Variants in ATAD5 observed in about 807,000 individuals in gnomAD.
ATAD5 encodes the protein ATPase family AAA domain containing 5, also known as ATPase family AAA domain-containing protein 5.
A neutral mutation model predicts 176.9 loss-of-function variants in ATAD5; 58 were observed. The observed-to-expected ratio is 0.33, with a 90% CI of 0.27 to 0.41. The LOEUF is 0.41. Among genes scored for constraint, ATAD5 ranks in the 10% least tolerant of loss-of-function variants. The pLI is 1.00. For synonymous variants in ATAD5, 640 were observed against 712.6 expected (o/e 0.90, Z 1.62); for missense variants, 1,789 against 2,094.1 (o/e 0.85, Z 2.84).
intron 14 of ATAD5, among the ~76,000 whole-genome samples, chr17:30,871,598 C>T (rs1299925662): frequency 6.6e-6 from 1 of 152,092 alleles, no homozygotes; most frequent in African/African-American, 2.4e-5. Flanking sequence ...GATCCACCCC[C>T]CATGGCCTCC....
chr17:30,889,819 T>C (rs1464888416), intron 19 of ATAD5, among the ~76,000 whole-genome samples: 2 of 151,300 alleles, frequency 1.3e-5, no homozygotes, highest in Non-Finnish European at 2.9e-5. Context: ...TTTATCCTTA[T>C]CAGTTTTTTC....
rs1033897320 is a variant in ATAD5, at chr17:30,872,824, G to A, written c.3607+3178G>A. Among the ~76,000 whole-genome samples, 17 of 152,192 alleles carry A rather than the reference G, an allele frequency of 1.1e-4. No homozygotes were observed. In the East Asian group the frequency reaches 3.3e-3, roughly 29 times the overall value. On this transcript the variant is annotated intron_variant, in intron 14 of 22. Transcript: ENST00000321990. ...GCCCGCCTCGGTCTCCCAGAGTGCT[G>A]GGATTACAGGCATGAGCTACTGCAC... is the stretch of plus-strand genomic sequence containing the variant.
chr17:30,880,784 C>G (rs1231647300), intron 18 of ATAD5, among the ~76,000 whole-genome samples: 1 of 151,576 alleles, frequency 6.6e-6, no homozygotes, highest in Non-Finnish European at 1.5e-5. Flanking sequence ...GGTTTTTTGC[C>G]TAGTAAAAGT....
intron 6 of ATAD5, among the ~76,000 whole-genome samples, chr17:30,850,870 T>TATATA (rs71142003): frequency 9.8e-4 from 12 of 12,210 alleles, no homozygotes; most frequent in East Asian, 6.7e-3. Context: ...TATATATATA[T>TATATA]TTTTTTTTTT....
chr17:30,837,390 T>G, intron 3 of ATAD5, 76 bp downstream of exon 3: 1 of 963,902 alleles, frequency 1.0e-6, no homozygotes, highest in South Asian at 1.6e-5. Context: ...CCCACATTAC[T>G]ATGGGAAGTA....
chr17:30,850,853 ATATATATATATATATATTTTTTT>A (rs1906873536), intron 6 of ATAD5, among the ~76,000 whole-genome samples: 1 of 37,886 alleles, frequency 2.6e-5, no homozygotes, highest in African/African-American at 6.6e-5. Flanking sequence ...ATATATATAT[ATATATATATATATATATTTTTTT>A]TTTTTTTTTT....
At position 30,894,132 on chromosome 17, in the gene ATAD5, A is replaced by C; in HGVS notation, c.5279A>C (p.Gln1760Pro). The C allele has an allele frequency of 3.8e-6, 6 of 1,559,352 alleles. No homozygotes were observed. The highest frequency in any genetic ancestry group is 5.2e-6 in the Non-Finnish European group (6 of 1,152,206). Reference sequence around the variant, plus strand: ...AAGCGCAATAATGTATACTTTAGTCAGTCAGCAGCTAATTTAGAGTAAGTC... The same window carrying C: ...AAGCGCAATAATGTATACTTTAGTCCGTCAGCAGCTAATTTAGAGTAAGTC... ...SQKRNNVYFS[Q>P]SAANLDNAWK... is the part of the protein sequence containing the mutation. The change falls in exon 21 of 23, where the codon CAG becomes CCG. Residue 1760 changes from glutamine (Q) to proline (P), a missense_variant. By Grantham distance (76) the Gln-to-Pro change is moderately conservative. Coordinates refer to ENST00000321990, the MANE Select transcript of ATAD5 (RefSeq NM_024857.5).
intron 3 of ATAD5, 119 bp from the exon 4 acceptor site, chr17:30,840,498 G>A: frequency 1.3e-6 from 1 of 759,148 alleles, no homozygotes; most frequent in East Asian, 3.3e-5. Context: ...CCCCTGGTAA[G>A]ATTTGAATAA....
In ATAD5 at chr17:30,840,687, G is replaced by T; in HGVS notation, c.2147G>T (p.Ser716Ile). Residue 716 changes from serine to isoleucine, a missense_variant, in exon 4 of 23, where the codon AGT (serine) becomes ATT (isoleucine). Physicochemically the swap from Ser to Ile is moderately radical, Grantham distance 142 (BLOSUM62 -2). Coordinates refer to ENST00000321990, the MANE Select transcript of ATAD5 (RefSeq NM_024857.5). The part of the protein sequence containing the change: ...LIEKAKALHI[S>I]RSKVTEEIAI... ...GAAAAAGCAAAAGCTTTACACATCA[G>T]TAGGTCAAAGGTGACTGAAGAAATA... The T allele has an allele frequency of 6.2e-7, 1 of 1,605,718 alleles. No homozygotes were observed. Among genetic ancestry groups the T allele is most frequent in the South Asian group, 1.1e-5 (1 of 89,134 alleles).
At chr17:30,846,644 G>A (rs1029630393) in intron 6 of ATAD5, among the ~76,000 whole-genome samples, 2 of 151,586 alleles carry the variant, frequency 1.3e-5, no homozygotes, top group Non-Finnish European at 2.9e-5. Flanking sequence ...CTTGTGATCC[G>A]CCTGCCTTGG....
intron 10 of ATAD5, among the ~76,000 whole-genome samples, chr17:30,861,104 C>T (rs1441874710): frequency 2.0e-5 from 3 of 151,804 alleles, no homozygotes; most frequent in South Asian, 2.1e-4. Flanking sequence ...TGCCTGGCCA[C>T]GCCCAGGTAA....
chr17:30,833,237 G>A (rs1905489991), intron 1 of ATAD5, among the ~76,000 whole-genome samples: 1 of 151,878 alleles, frequency 6.6e-6, no homozygotes, highest in Non-Finnish European at 1.5e-5. Context: ...GCTAAATCAA[G>A]GCAGTTAGTT....
chr17:30,854,449 G>A (rs1597968091), intron 6 of ATAD5, among the ~76,000 whole-genome samples: 7 of 132,108 alleles, frequency 5.3e-5, no homozygotes, highest in African/African-American at 2.0e-4. Flanking sequence ...TCGGCTCCCT[G>A]TAACCTCTGC....
intron 14 of ATAD5, among the ~76,000 whole-genome samples, chr17:30,873,689 C>CCTTT (rs1555558848): frequency 7.7e-6 from 1 of 129,604 alleles, no homozygotes; most frequent in Non-Finnish European, 1.6e-5. Context: ...TAAAAATTGC[C>CCTTT]TTTTTTTTTT....
At position 30,894,836 on chromosome 17, in the gene ATAD5, T is replaced by C. The variant is rs1909829619; in HGVS notation, c.5458T>C (p.Phe1820Leu). The change falls in exon 23 of 23, where the codon TTC (phenylalanine) becomes CTC (leucine). Residue 1820 changes from phenylalanine to leucine, a missense_variant and splice_region_variant. This residue lies in a region of ATAD5 where 403 missense variants were observed against 495.1 expected (regional missense o/e 0.81). Coordinates refer to ENST00000321990, the MANE Select transcript of ATAD5 (RefSeq NM_024857.5). Reference protein sequence around the residue: ...LKEQGKSKRRFLHYFEGIHLD... With the variant: ...LKEQGKSKRRLLHYFEGIHLD... Reference sequence around the variant, plus strand: ...TATTTTTCTTTGTAATTTTGACAGATTCCTGCACTATTTTGAAGGAATTCA... The same window carrying C: ...TATTTTTCTTTGTAATTTTGACAGACTCCTGCACTATTTTGAAGGAATTCA... The C allele has an allele frequency of 5.0e-6, 8 of 1,585,894 alleles. No individual in the cohort carries two copies. The highest frequency in any genetic ancestry group is 6.8e-6 in the Non-Finnish European group (8 of 1,171,802).
intron 13 of ATAD5, 43 bp from the exon 14 acceptor site, chr17:30,869,453 A>G (rs1908212889): frequency 1.2e-6 from 2 of 1,608,032 alleles, no homozygotes; most frequent in Admixed American, 1.7e-5. Flanking sequence ...AAAAGGAAAC[A>G]TAAACCATTC....
chr17:30,883,270 A>G (rs1366704882), intron 18 of ATAD5, among the ~76,000 whole-genome samples: 1 of 151,724 alleles, frequency 6.6e-6, no homozygotes, highest in Non-Finnish European at 1.5e-5. Flanking sequence ...GACCATAGGC[A>G]TGTGCCACCA....
At chr17:30,846,750 C>T (rs1322674261) in intron 6 of ATAD5, among the ~76,000 whole-genome samples, 2 of 140,194 alleles carry the variant, frequency 1.4e-5, no homozygotes, top group African/African-American at 5.4e-5. Context: ...GACGGAGTTT[C>T]GCTCTTGTTG....
At position 30,887,172 on chromosome 17, in the gene ATAD5, T is replaced by C; in HGVS notation, c.4078-20T>C. Reference sequence around the variant, plus strand: ...TATTTGAACTCAGCAGTTAACCACATTTCTCTCTCTGTTTTGAAGCTAAAT... The same window carrying C: ...TATTTGAACTCAGCAGTTAACCACACTTCTCTCTCTGTTTTGAAGCTAAAT... On this transcript the variant is annotated intron_variant, in intron 18 of 22. Coordinates refer to ENST00000321990, the MANE Select transcript of ATAD5 (RefSeq NM_024857.5). The C allele has an allele frequency of 6.4e-7, 1 of 1,555,180 alleles. No homozygotes were observed. The highest frequency in any genetic ancestry group is 1.2e-5 in the South Asian group (1 of 81,822).
Sources: allele counts gnomAD v4.1 joint callset (sites outside exome capture counted in the v4.1 genomes callset), GRCh38; gene constraint gnomAD v4.1.1; regional missense constraint gnomAD v4.1.1; transcripts MANE v1.5; gene names NCBI Gene and HGNC (gene_info 2026-07-23, HGNC 2026-07-21).